Variants in DMD observed in about 807,000 individuals in gnomAD.
DMD encodes the protein mutant dystrophin.
Under a neutral mutation model 330.1 loss-of-function variants are expected in DMD, and 63 were observed. The observed-to-expected ratio is 0.19, with a 90% confidence interval of 0.16 to 0.24. DMD has a LOEUF of 0.24. Among genes scored for constraint, DMD ranks in the 10% least tolerant of loss-of-function variants. The pLI, the probability that DMD is intolerant of heterozygous loss-of-function variation, is 1.00. For synonymous variants in DMD, 1,223 were observed against 959.8 expected (o/e 1.27, Z -5.07); for missense variants, 3,344 against 2,684.1 (o/e 1.25, Z -5.43).
intron 1 of DMD, among the ~76,000 whole-genome samples, chrX:33,162,082 G>A (rs916697057): frequency 5.4e-5 from 6 of 111,505 alleles, no homozygotes; most frequent in African/African-American, 2.0e-4. Flanking sequence ...AGAATCTGAG[G>A]ATATGAGTTC....
At chrX:32,609,076 C>T (rs1159026999) in intron 12 of DMD, among the ~76,000 whole-genome samples, 1 of 110,170 alleles carries the variant, frequency 9.1e-6, no homozygotes, top group Non-Finnish European at 1.9e-5. Context: ...TCCCAATTGC[C>T]CAGTCCCAGA....
At chrX:32,925,832 C>A (rs2088961054) in intron 2 of DMD, among the ~76,000 whole-genome samples, 1 of 111,702 alleles carries the variant, frequency 9.0e-6, no homozygotes, top group South Asian at 3.7e-4. Context: ...ACAAAACAGA[C>A]AAATTAAGCT....
chrX:33,338,128 G>C (rs1316514453), intron 1 of DMD, among the ~76,000 whole-genome samples: 1 of 111,569 alleles, frequency 9.0e-6, no homozygotes, highest in Non-Finnish European at 1.9e-5. Flanking sequence ...TTAAATGTTT[G>C]AATGTTTTAT....
At chrX:32,636,982 G>GC in intron 11 of DMD, among the ~76,000 whole-genome samples, 1 of 109,140 alleles carries the variant, frequency 9.2e-6, no homozygotes, top group Non-Finnish European at 1.9e-5. Context: ...TGGGAGACAG[G>GC]GAGACTCTGT....
intron 52 of DMD, among the ~76,000 whole-genome samples, chrX:31,720,937 T>G (rs1749452725): frequency 8.9e-6 from 1 of 111,768 alleles, no homozygotes; most frequent in Non-Finnish European, 1.9e-5. Flanking sequence ...AAAAATGAAA[T>G]ACATTTATGA....
At chrX:33,115,833 A>G (rs989761972) in intron 1 of DMD, among the ~76,000 whole-genome samples, 4 of 110,763 alleles carry the variant, frequency 3.6e-5, no homozygotes, top group Non-Finnish European at 7.6e-5. Context: ...CTATGAACAC[A>G]GTATTACTTA....
At chrX:32,615,593 A>T (rs2057499920) in intron 11 of DMD, among the ~76,000 whole-genome samples, 1 of 111,754 alleles carries the variant, frequency 8.9e-6, no homozygotes, top group African/African-American at 3.2e-5. Flanking sequence ...TTATAATTTG[A>T]ATTAGGAATA....
chrX:31,145,641 T>A (rs12688642), intron 76 of DMD, among the ~76,000 whole-genome samples: 1 of 107,470 alleles, frequency 9.3e-6, no homozygotes, highest in Middle Eastern at 4.8e-3. Context: ...TTGCACTCAG[T>A]CCCCAGACCC....
At chrX:33,009,070 A>G (rs2093487836) in intron 2 of DMD, among the ~76,000 whole-genome samples, 1 of 73,229 alleles carries the variant, frequency 1.4e-5, no homozygotes, top group South Asian at 7.1e-4. Flanking sequence ...GCATACACAC[A>G]TATACATATA....
chrX:33,080,471 C>T (rs923234977), intron 1 of DMD, among the ~76,000 whole-genome samples: 3 of 111,921 alleles, frequency 2.7e-5, no homozygotes, highest in African/African-American at 9.7e-5. Flanking sequence ...TCCCTACACA[C>T]CTTGTATGTA....
chrX:32,457,782 A>G, intron 25 of DMD, among the ~76,000 whole-genome samples: 1 of 110,379 alleles, frequency 9.1e-6, no homozygotes, highest in Non-Finnish European at 1.9e-5. Flanking sequence ...ACACCCAAAG[A>G]GTATACTGAC....
chrX:31,396,559 T>G (rs1307025335), intron 60 of DMD, among the ~76,000 whole-genome samples: 2 of 97,438 alleles, frequency 2.1e-5, no homozygotes, highest in Admixed American at 1.1e-4. Context: ...TTTTTTTTTT[T>G]TTTTTTTTTT....
intron 9 of DMD, among the ~76,000 whole-genome samples, chrX:32,645,398 C>T (rs1186191470): frequency 1.8e-5 from 2 of 111,961 alleles, no homozygotes; most frequent in African/African-American, 3.2e-5. Context: ...TTCTAGATTA[C>T]TGGAAGGAGT....
intron 50 of DMD, among the ~76,000 whole-genome samples, chrX:31,781,184 A>C (rs896081540): frequency 8.9e-6 from 1 of 111,739 alleles, no homozygotes; most frequent in Non-Finnish European, 1.9e-5. Context: ...CCTTTACCAA[A>C]CCATCTTCAG....
At chrX:32,338,355 T>C (rs2097725260) in intron 41 of DMD, among the ~76,000 whole-genome samples, 1 of 111,283 alleles carries the variant, frequency 9.0e-6, no homozygotes, top group Non-Finnish European at 1.9e-5. Context: ...ATTTCATTAA[T>C]ATGAAATATT....
chrX:32,696,089 C>A (rs1371623304), intron 9 of DMD, among the ~76,000 whole-genome samples: 1 of 111,899 alleles, frequency 8.9e-6, no homozygotes, highest in East Asian at 2.8e-4. Flanking sequence ...CAGTCACCCA[C>A]ATGGCTCTCT....
At chrX:32,998,650 T>TATAC (rs1569548009) in intron 2 of DMD, among the ~76,000 whole-genome samples, 1 of 107,259 alleles carries the variant, frequency 9.3e-6, no homozygotes, top group Non-Finnish European at 1.9e-5. Flanking sequence ...TATGTTTATA[T>TATAC]ACACACACAC....
At chrX:32,538,788 G>T (rs983334107) in intron 17 of DMD, among the ~76,000 whole-genome samples, 37 of 110,994 alleles carry the variant, frequency 3.3e-4, no homozygotes, top group African/African-American at 1.1e-3. Flanking sequence ...TGACTCCGAC[G>T]CATGCTGAAG....
intron 44 of DMD, among the ~76,000 whole-genome samples, chrX:32,028,815 A>T (rs1569534030): frequency 9.3e-6 from 1 of 107,142 alleles, no homozygotes; most frequent in Non-Finnish European, 1.9e-5. Context: ...TGCATATACC[A>T]TTTTTTTTTT....
Sources: allele counts gnomAD v4.1 joint callset (sites outside exome capture counted in the v4.1 genomes callset), GRCh38; gene constraint gnomAD v4.1.1; transcripts MANE v1.5; gene names NCBI Gene and HGNC (gene_info 2026-07-23, HGNC 2026-07-21).